The following DNAAF4 variants were observed in gnomAD, a reference collection of about 807,000 sequenced individuals.
DNAAF4 encodes the protein dynein axonemal assembly factor 4.
A neutral mutation model predicts 51.8 loss-of-function variants in DNAAF4; 43 were observed. That is an observed-to-expected ratio of 0.83 (90% confidence interval 0.65 to 1.07). The LOEUF is 1.07. Among genes scored for constraint, DNAAF4 ranks in the 50% least tolerant of loss-of-function variants. The pLI, the probability that DNAAF4 is intolerant of heterozygous loss-of-function variation, is 0.00. For missense variants in DNAAF4, 581 were observed against 493.0 expected, an observed-to-expected ratio of 1.18 and a Z score of -1.69; for synonymous variants, 194 against 165.6, an observed-to-expected ratio of 1.17 and a Z score of -1.32.
chr15:55,499,176 C>T (rs898005958), intron 1 of DNAAF4, among the ~76,000 whole-genome samples: 3 of 152,100 alleles, frequency 2.0e-5, no homozygotes, highest in African/African-American at 7.2e-5. Flanking sequence ...AGAGCCAATC[C>T]GTCAACATCC....
At chr15:55,462,989 T>C (rs943461985) in intron 5 of DNAAF4, among the ~76,000 whole-genome samples, 3 of 152,184 alleles carry the variant, frequency 2.0e-5, no homozygotes, top group Non-Finnish European at 2.9e-5. Context: ...CTGGCCAACA[T>C]GGCGAAACCC....
At chr15:55,418,444 T>C in intron 7 of DNAAF4, 3 of 1,522,668 alleles carry the variant, frequency 2.0e-6, no homozygotes, top group Non-Finnish European at 2.6e-6. Context: ...CCTGCAATTA[T>C]ACTCCAAAGG....
intron 5 of DNAAF4, among the ~76,000 whole-genome samples, chr15:55,465,796 C>T (rs960015035): frequency 1.3e-5 from 2 of 152,064 alleles, no homozygotes; most frequent in African/African-American, 4.8e-5. Flanking sequence ...GAACTCCCAA[C>T]CTCAGATGAT....
intron 1 of DNAAF4, among the ~76,000 whole-genome samples, chr15:55,500,623 C>A (rs1395055385): frequency 6.6e-6 from 1 of 152,106 alleles, no homozygotes; most frequent in Non-Finnish European, 1.5e-5. Flanking sequence ...ACATACACAC[C>A]TCTGCAGTGA....
chr15:55,430,441 A>G lies in DNAAF4; in HGVS notation c.*229T>C, dbSNP rs1242186484. 1.3e-5 allele frequency: 13 copies of G among 1,030,752 alleles called. No individual in the cohort carries two copies. Among genetic ancestry groups the G allele is most frequent in the African/African-American group, 1.7e-5 (1 of 58,922 alleles). 63.9% of individuals were successfully genotyped at this position (1,030,752 alleles called of 1,614,324 possible). A position where few individuals can be genotyped will look rare whatever the true frequency, so the allele number is the denominator to read the frequency against. ...GTAACACAAAAAAGTATACATATGT[A>G]TTAATATGAAGAAATAAGGAATTAA... On this transcript the variant is annotated 3_prime_UTR_variant, in exon 10 of 10. Coordinates refer to ENST00000321149, the MANE Select transcript of DNAAF4 (RefSeq NM_130810.4).
chr15:55,503,363 C>T (rs2058709687), intron 1 of DNAAF4, among the ~76,000 whole-genome samples: 3 of 152,184 alleles, frequency 2.0e-5, no homozygotes. Context: ...GGAGCTGGTA[C>T]CATTCCTTCT....
At chr15:55,442,285 AT>A (rs566147155) in intron 6 of DNAAF4, among the ~76,000 whole-genome samples, 1 of 151,892 alleles carries the variant, frequency 6.6e-6, no homozygotes, top group Non-Finnish European at 1.5e-5. Context: ...TGCCCGGCTA[AT>A]TTTTTTTATT....
rs1277803163 is a variant in DNAAF4 at position 55,467,101 on chromosome 15, T to C, written c.466A>G (p.Thr156Ala). The part of the protein sequence containing the change: ...DMKENERIKA[T>A]KALEAWKEYQ... ...TCTTTCCAGGCTTCCAATGCTTTAG[T>C]GGCTTTTATCCGTTCATTTTCTTTC... The change falls in exon 5 of 10, where the codon ACT becomes GCT. Residue 156 changes from threonine to alanine, a missense_variant. Physicochemically the swap from Thr to Ala is moderately conservative, Grantham distance 58 (BLOSUM62 0). Coordinates refer to ENST00000321149, the MANE Select transcript of DNAAF4 (RefSeq NM_130810.4). 6.4e-7 allele frequency: 1 copy of C among 1,550,442 alleles called. No homozygotes were observed. The highest frequency in any genetic ancestry group is 2.0e-5 in the Admixed American group (1 of 49,280).
chr15:55,495,782 A>G (rs2058632827), intron 3 of DNAAF4, among the ~76,000 whole-genome samples: 1 of 152,210 alleles, frequency 6.6e-6, no homozygotes, highest in Non-Finnish European at 1.5e-5. Flanking sequence ...CAGTAAACAT[A>G]AAGTATTAGA....
At chr15:55,450,547 C>T (rs1412102461) in intron 5 of DNAAF4, among the ~76,000 whole-genome samples, 180 bp from the exon 6 acceptor site, 2 of 152,114 alleles carry the variant, frequency 1.3e-5, no homozygotes, top group African/African-American at 2.4e-5. Context: ...AATGACCTAC[C>T]TGCTCTTTAT....
At chr15:55,473,380 T>C (rs1212697287) in intron 4 of DNAAF4, among the ~76,000 whole-genome samples, 1 of 147,696 alleles carries the variant, frequency 6.8e-6, no homozygotes, top group Non-Finnish European at 1.5e-5. Context: ...TATATATATA[T>C]ATATGCAAAC....
At position 55,443,028 on chromosome 15, in the gene DNAAF4, C is replaced by T. The variant is rs2057739139; in HGVS notation, c.784-3447G>A. The T allele has an allele frequency of 3.7e-6, 6 of 1,611,232 alleles. No homozygotes were observed. The Admixed American group carries it at 8.3e-5, about 22-fold the overall frequency. On this transcript the variant is annotated intron_variant, in intron 6 of 9. Transcript: ENST00000321149. ...CATCATCAAAGCTTCTGGTGAAGAG[C>T]TGGGCCTGTGACACTTGTTCTTCTT...
chr15:55,476,594 C>T (rs967689991), intron 4 of DNAAF4, among the ~76,000 whole-genome samples: 4 of 152,034 alleles, frequency 2.6e-5, no homozygotes, highest in East Asian at 1.9e-4. Context: ...GTGTTCTATA[C>T]GTTTTAATAG....
chr15:55,449,695 G>GTTTTTTTTT (rs1195492282), intron 6 of DNAAF4, among the ~76,000 whole-genome samples: 1 of 35,278 alleles, frequency 2.8e-5, no homozygotes. Flanking sequence ...CAAAAAGACC[G>GTTTTTTTTT]CTTTTTTTTT....
In DNAAF4 at chr15:55,432,554, T is replaced by G. The variant is rs190788368; in HGVS notation, c.1096A>C (p.Met366Leu). 1 of 1,612,926 alleles carries G rather than the reference T, an allele frequency of 6.2e-7. No individual in the cohort carries two copies. The stretch of plus-strand genomic sequence containing the variant: ...GTTCCACGTCGTACATGTGCCTTCA[T>G]TCTTGCATTAGCATTGTCTGTAACA... ...PPVTDNANAR[M>L]KAHVRRGTAF... Residue 366 changes from methionine (M) to leucine (L), a missense_variant, in exon 9 of 10, where the codon ATG becomes CTG. Coordinates refer to ENST00000321149, the MANE Select transcript of DNAAF4 (RefSeq NM_130810.4).
At chr15:55,420,785 C>T (rs1473881260) in intron 7 of DNAAF4, among the ~76,000 whole-genome samples, 1 of 152,154 alleles carries the variant, frequency 6.6e-6, no homozygotes, top group African/African-American at 2.4e-5. Context: ...ACTGCAGGTG[C>T]CCAATTCATG....
intron 4 of DNAAF4, among the ~76,000 whole-genome samples, chr15:55,485,997 A>AG (rs1327305461): frequency 2.1e-4 from 29 of 138,598 alleles, no homozygotes; most frequent in Non-Finnish European, 4.2e-4. Flanking sequence ...TCCATCTCAA[A>AG]AAAAAAAAAA....
intron 8 of DNAAF4, among the ~76,000 whole-genome samples, chr15:55,433,890 AT>A (rs1275465920): frequency 0.035 from 390 of 11,282 alleles, 48 homozygotes; most frequent in Non-Finnish European, 0.044. Context: ...TATATTATAT[AT>A]ATATTATATA....
At chr15:55,473,948 C>T (rs908822285) in intron 4 of DNAAF4, among the ~76,000 whole-genome samples, 5 of 151,734 alleles carry the variant, frequency 3.3e-5, no homozygotes, top group African/African-American at 4.8e-5. Context: ...GCCTAGATCA[C>T]GCCACTACAC....
Sources: gnomAD v4.1 joint callset for allele counts (sites outside exome capture counted in the v4.1 genomes callset) on GRCh38, gnomAD v4.1.1 for gene constraint, MANE v1.5 for transcripts, NCBI Gene and HGNC (gene_info 2026-07-23, HGNC 2026-07-21) for gene names.